Variants in GRM7 observed in about 807,000 individuals in gnomAD.
GRM7 encodes glutamate metabotropic receptor 7.
A neutral mutation model predicts 84.5 loss-of-function variants in GRM7; 35 were observed. The ratio of observed to expected loss-of-function variants is 0.41; its 90% CI spans 0.32 to 0.55. The LOEUF is 0.55. Ranked by LOEUF, GRM7 falls within the 20% of genes least tolerant of loss-of-function variation. The probability of loss-of-function intolerance (pLI) is 0.19; values close to 1 mark genes in which losing one functional copy is unlikely to be tolerated. For missense variants in GRM7, 1,003 were observed against 1,194.6 expected (o/e 0.84, Z 2.36); for synonymous variants, 487 against 455.1 (o/e 1.07, Z -0.89).
intron 1 of GRM7, among the ~76,000 whole-genome samples, chr3:7,107,697 A>G (rs752770881): frequency 2.0e-5 from 3 of 152,112 alleles, no homozygotes; most frequent in Non-Finnish European, 4.4e-5. Context: ...GATTAAAAAT[A>G]GATTGGCAGG....
chr3:7,277,213 G>A (rs551978958), intron 2 of GRM7, among the ~76,000 whole-genome samples: 2 of 152,000 alleles, frequency 1.3e-5, no homozygotes, highest in East Asian at 3.9e-4. Context: ...ACACTTAACT[G>A]GGTAAGTTAT....
At chr3:7,163,551 T>C (rs550938792) in intron 2 of GRM7, among the ~76,000 whole-genome samples, 2 of 152,322 alleles carry the variant, frequency 1.3e-5, no homozygotes, top group South Asian at 4.1e-4. Flanking sequence ...ATGGAGCTTA[T>C]ACTAACAGGC....
chr3:6,922,135 A>G (rs1697149056), intron 1 of GRM7, among the ~76,000 whole-genome samples: 2 of 152,178 alleles, frequency 1.3e-5, no homozygotes. Context: ...TAGATGTGCA[A>G]CTGAAGCAGA....
At chr3:7,196,583 G>T (rs1432616524) in intron 2 of GRM7, among the ~76,000 whole-genome samples, 1 of 152,022 alleles carries the variant, frequency 6.6e-6, no homozygotes, top group Non-Finnish European at 1.5e-5. Context: ...TGCCCGAAAT[G>T]GCCTTTCACC....
intron 7 of GRM7, among the ~76,000 whole-genome samples, chr3:7,575,856 A>G (rs1694936904): frequency 6.6e-6 from 1 of 152,042 alleles, no homozygotes; most frequent in African/African-American, 2.4e-5. Context: ...TGGATAAGTT[A>G]AGAAAAAAAA....
chr3:7,329,387 A>G (rs369426394), intron 4 of GRM7, among the ~76,000 whole-genome samples: 8 of 152,252 alleles, frequency 5.3e-5, no homozygotes, highest in African/African-American at 1.9e-4. Context: ...TGGATAAGCT[A>G]CTTGGTCCAC....
At chr3:7,169,968 A>G (rs1398536707) in intron 2 of GRM7, among the ~76,000 whole-genome samples, 1 of 152,226 alleles carries the variant, frequency 6.6e-6, no homozygotes, top group Non-Finnish European at 1.5e-5. Flanking sequence ...AGAATCACCT[A>G]AAGAACTTGC....
chr3:7,312,998 G>A (rs6443101), intron 4 of GRM7, among the ~76,000 whole-genome samples: 52,434 of 146,896 alleles, frequency 0.36, 9,678 homozygotes, highest in East Asian at 0.46. Flanking sequence ...ATGTGATCTC[G>A]GCTCACTGCA....
At chr3:7,009,229 A>T (rs550879230) in intron 1 of GRM7, among the ~76,000 whole-genome samples, 3 of 152,188 alleles carry the variant, frequency 2.0e-5, no homozygotes, top group Non-Finnish European at 4.4e-5. Flanking sequence ...TATCACAGTG[A>T]TAATAAGAAT....
intron 1 of GRM7, among the ~76,000 whole-genome samples, chr3:7,134,547 T>C (rs1693711907): frequency 2.0e-5 from 3 of 152,162 alleles, no homozygotes; most frequent in Admixed American, 2.0e-4. Flanking sequence ...CACCTTGATA[T>C]TGCAATTCCT....
At chr3:6,874,341 G>C (rs146097361) in intron 1 of GRM7, among the ~76,000 whole-genome samples, 2 of 152,054 alleles carry the variant, frequency 1.3e-5, no homozygotes, top group East Asian at 3.9e-4. Context: ...ATCAAGTGTC[G>C]TTTATATGAA....
intron 4 of GRM7, among the ~76,000 whole-genome samples, chr3:7,372,594 T>A (rs1694184596): frequency 6.6e-6 from 1 of 152,164 alleles, no homozygotes; most frequent in Non-Finnish European, 1.5e-5. Context: ...CTGATCTTAT[T>A]TATAGTCTGT....
At chr3:7,569,814 C>T (rs1203616271) in intron 7 of GRM7, among the ~76,000 whole-genome samples, 1 of 152,092 alleles carries the variant, frequency 6.6e-6, no homozygotes, top group African/African-American at 2.4e-5. Flanking sequence ...CCCGTGAGAC[C>T]ACAAACCCCA....
At chr3:7,560,675 C>T (rs1693978417) in intron 7 of GRM7, among the ~76,000 whole-genome samples, 2 of 152,098 alleles carry the variant, frequency 1.3e-5, no homozygotes, top group South Asian at 4.1e-4. Flanking sequence ...TGGAGCTTTT[C>T]CTGCTTCAGG....
chr3:7,736,598 A>G (rs76832783), intron 9 of GRM7, among the ~76,000 whole-genome samples: 1,550 of 152,282 alleles, frequency 0.01, 27 homozygotes, highest in African/African-American at 0.036. Flanking sequence ...GTTTATGGAC[A>G]ACACTGTAGT....
intron 7 of GRM7, among the ~76,000 whole-genome samples, chr3:7,476,176 G>T (rs1412544662): frequency 6.6e-6 from 1 of 152,104 alleles, no homozygotes; most frequent in Non-Finnish European, 1.5e-5. Flanking sequence ...CCTTCTCCAG[G>T]CTTCATCCCC....
At chr3:7,423,347 C>T (rs1007099224) in intron 5 of GRM7, among the ~76,000 whole-genome samples, 1 of 152,142 alleles carries the variant, frequency 6.6e-6, no homozygotes, top group African/African-American at 2.4e-5. Flanking sequence ...CAACAGGCAA[C>T]GTCTTTAAAA....
chr3:7,064,479 T>TATATATATGTATATATATATATATATAC, intron 1 of GRM7, among the ~76,000 whole-genome samples: 10 of 99,366 alleles, frequency 1.0e-4, no homozygotes, highest in African/African-American at 3.9e-4. Context: ...TATATATATA[T>TATATATATGTATATATATATATATATAC]ACACACATAT....
At chr3:7,134,133 T>G (rs1693694226) in intron 1 of GRM7, among the ~76,000 whole-genome samples, 1 of 152,180 alleles carries the variant, frequency 6.6e-6, no homozygotes, top group Non-Finnish European at 1.5e-5. Flanking sequence ...TATTTCATCT[T>G]AACCCTGTGA....
Sources: allele counts gnomAD v4.1 joint callset (sites outside exome capture counted in the v4.1 genomes callset), GRCh38; gene constraint gnomAD v4.1.1; transcripts MANE v1.5; gene names NCBI Gene and HGNC (gene_info 2026-07-23, HGNC 2026-07-21).